Variants in RSF1 observed in about 807,000 individuals in gnomAD.
RSF1 encodes HBV pX-associated protein 8.
Under a neutral mutation model 145.2 loss-of-function variants are expected in RSF1, and 13 were observed. The observed-to-expected ratio is 0.09, with a 90% CI of 0.06 to 0.14. The LOEUF is 0.14. Ranked by LOEUF, RSF1 falls within the 10% of genes least tolerant of loss-of-function variation. The probability of loss-of-function intolerance (pLI) is 1.00; values close to 1 mark genes in which losing one functional copy is unlikely to be tolerated. For synonymous variants in RSF1, 577 were observed against 592.6 expected (o/e 0.97, Z 0.38); for missense variants, 1,517 against 1,718.2 (o/e 0.88, Z 2.07).
At chr11:77,731,825 T>C (rs1472456314) in intron 4 of RSF1, among the ~76,000 whole-genome samples, 2 of 152,206 alleles carry the variant, frequency 1.3e-5, no homozygotes, top group Admixed American at 6.5e-5. Context: ...TTTCAGAAGA[T>C]GTATGGAAAC....
chr11:77,843,072 T>TA, the RSF1 span, among the ~76,000 whole-genome samples: 1 of 152,224 alleles, frequency 6.6e-6, no homozygotes, highest in Non-Finnish European at 1.5e-5. Context: ...ATATAGTGTT[T>TA]AACCTTTTGA....
chr11:77,729,271 G>A (rs1961136749), intron 4 of RSF1, among the ~76,000 whole-genome samples: 1 of 152,180 alleles, frequency 6.6e-6, no homozygotes, highest in African/African-American at 2.4e-5. Context: ...GTTGAGCCAA[G>A]GAAAGGATGT....
At chr11:77,739,317 GAAGAA>G (rs2135908383) in intron 4 of RSF1, 2 of 152,694 alleles carry the variant, frequency 1.3e-5, no homozygotes, top group East Asian at 1.9e-4. Context: ...CATCTACAAA[GAAGAA>G]AAGAATGTTT....
chr11:77,832,422 G>T, the RSF1 span, among the ~76,000 whole-genome samples: 1 of 151,620 alleles, frequency 6.6e-6, no homozygotes, highest in Non-Finnish European at 1.5e-5. Flanking sequence ...CGCCTCCCGG[G>T]TTCAAGCGAT....
chr11:77,727,912 A>G (rs1961097644), intron 4 of RSF1, among the ~76,000 whole-genome samples: 1 of 152,180 alleles, frequency 6.6e-6, no homozygotes, highest in Non-Finnish European at 1.5e-5. Flanking sequence ...TGAAAACAAA[A>G]CTACCCATCT....
the RSF1 span, among the ~76,000 whole-genome samples, chr11:77,833,216 G>A: frequency 1.3e-5 from 2 of 151,324 alleles, no homozygotes; most frequent in Non-Finnish European, 2.9e-5. Context: ...TCGCCATGTT[G>A]GCCAGGCTGT....
chr11:77,706,555 G>C (rs1177505200), intron 5 of RSF1, among the ~76,000 whole-genome samples: 2 of 152,032 alleles, frequency 1.3e-5, no homozygotes, highest in Non-Finnish European at 1.5e-5. Context: ...AGCCACATCG[G>C]AAAATTCAGT....
upstream of RSF1, among the ~76,000 whole-genome samples, chr11:77,823,984 C>G (rs567370422): frequency 6.6e-6 from 1 of 151,976 alleles, no homozygotes; most frequent in African/African-American, 2.4e-5. Flanking sequence ...GTCAAACAGA[C>G]TGATAAATAA....
chr11:77,760,227 T>C (rs1230362998), intron 2 of RSF1, among the ~76,000 whole-genome samples: 2 of 152,190 alleles, frequency 1.3e-5, no homozygotes, highest in Non-Finnish European at 1.5e-5. Context: ...ATTATCCATA[T>C]AATGGATGAG....
At chr11:77,867,145 T>A in the RSF1 span, among the ~76,000 whole-genome samples, 1 of 152,192 alleles carries the variant, frequency 6.6e-6, no homozygotes, top group Admixed American at 6.5e-5. Context: ...CCGGCCCCCA[T>A]GCCTTTCATA....
At chr11:77,808,632 C>A (rs1216237845) in intron 1 of RSF1, among the ~76,000 whole-genome samples, 2 of 93,510 alleles carry the variant, frequency 2.1e-5, no homozygotes, top group East Asian at 7.7e-4. Flanking sequence ...CTCCCGGGTT[C>A]ACGCCATTCT....
intron 1 of RSF1, among the ~76,000 whole-genome samples, chr11:77,800,793 T>G (rs898024698): frequency 6.6e-6 from 1 of 152,098 alleles, no homozygotes; most frequent in Non-Finnish European, 1.5e-5. Context: ...GCCCAAGACT[T>G]CAAGGCTGAA....
At chr11:77,731,137 A>G (rs2135895489) in intron 4 of RSF1, among the ~76,000 whole-genome samples, 1 of 152,310 alleles carries the variant, frequency 6.6e-6, no homozygotes, top group Non-Finnish European at 1.5e-5. Context: ...TGACAGCAAT[A>G]TGAACAATAA....
At chr11:77,721,358 T>C (rs367615714) in intron 5 of RSF1, among the ~76,000 whole-genome samples, 3 of 152,178 alleles carry the variant, frequency 2.0e-5, no homozygotes, top group African/African-American at 7.2e-5. Flanking sequence ...AACAGAATCA[T>C]ATTTATTTGG....
intron 1 of RSF1, among the ~76,000 whole-genome samples, chr11:77,798,941 T>C (rs540536021): frequency 6.8e-4 from 101 of 147,758 alleles, no homozygotes; most frequent in African/African-American, 2.4e-3. Context: ...TCTGCATATG[T>C]ACCCCAAAAC....
intron 4 of RSF1, among the ~76,000 whole-genome samples, chr11:77,731,044 T>C (rs1451851157): frequency 1.3e-5 from 2 of 152,058 alleles, no homozygotes; most frequent in Non-Finnish European, 2.9e-5. Context: ...TTGGAAGAGT[T>C]TGGAGGGCTC....
intron 5 of RSF1, among the ~76,000 whole-genome samples, chr11:77,713,993 A>C (rs540862765): frequency 5.8e-4 from 88 of 152,278 alleles, no homozygotes; most frequent in African/African-American, 2.0e-3. Flanking sequence ...TTTTAGAAAA[A>C]AGTCATTTTT....
At chr11:77,752,605 C>T (rs1174291907) in intron 2 of RSF1, among the ~76,000 whole-genome samples, 3 of 152,084 alleles carry the variant, frequency 2.0e-5, no homozygotes, top group African/African-American at 7.2e-5. Context: ...ATTAAACTTC[C>T]ACTCTTAACC....
At chr11:77,813,503 G>T in intron 1 of RSF1, 2 of 876,778 alleles carry the variant, frequency 2.3e-6, no homozygotes, top group South Asian at 1.3e-5. Context: ...TCAAAGTCTT[G>T]GTAGGTATTC....
Sources: gnomAD v4.1 joint callset for allele counts (sites outside exome capture counted in the v4.1 genomes callset) on GRCh38, gnomAD v4.1.1 for gene constraint, MANE v1.5 for transcripts, NCBI Gene and HGNC (gene_info 2026-07-23, HGNC 2026-07-21) for gene names.